HDX: variants seen among roughly 807,000 people sequenced by gnomAD.
HDX encodes the protein chromosome X open reading frame 43.
In HDX, 19 loss-of-function variants were observed where a neutral mutation model predicts 45.2. That is an observed-to-expected ratio of 0.42 (90% CI 0.29 to 0.62). The LOEUF (loss-of-function observed/expected upper bound fraction) is 0.62. Among genes scored for constraint, HDX ranks in the 20% least tolerant of loss-of-function variants. The pLI, the probability that HDX is intolerant of heterozygous loss-of-function variation, is 0.20. For synonymous variants in HDX, 188 were observed against 172.8 expected (o/e 1.09, Z -0.69); for missense variants, 532 against 493.9 (o/e 1.08, Z -0.73).
intron 5 of HDX, among the ~76,000 whole-genome samples, chrX:84,366,529 A>G (rs2037757500): frequency 8.9e-6 from 1 of 111,937 alleles, no homozygotes; most frequent in Non-Finnish European, 1.9e-5. Flanking sequence ...AGCCAAGACA[A>G]TCCTAAGCAA....
chrX:84,335,334 CTGTT>C (rs2036937717), intron 8 of HDX, among the ~76,000 whole-genome samples: 1 of 110,919 alleles, frequency 9.0e-6, no homozygotes, highest in Non-Finnish European at 1.9e-5. Context: ...TCTTATATGT[CTGTT>C]TGATTTGTTA....
intron 4 of HDX, 151 bp from the exon 5 acceptor site, chrX:84,440,736 C>A: frequency 2.5e-6 from 1 of 395,792 alleles, no homozygotes; most frequent in Non-Finnish European, 4.3e-6. Context: ...TTATTGAACT[C>A]AACAGATTTT....
chrX:84,438,985 A>G (rs1375060025), intron 5 of HDX, among the ~76,000 whole-genome samples: 1 of 112,283 alleles, frequency 8.9e-6, no homozygotes, highest in Non-Finnish European at 1.9e-5. Context: ...TGGCTGAACT[A>G]GTTTGCATTC....
At chrX:84,437,719 C>T (rs767095017) in intron 5 of HDX, among the ~76,000 whole-genome samples, 1 of 111,045 alleles carries the variant, frequency 9.0e-6, no homozygotes, top group South Asian at 3.8e-4. Context: ...GAATCTCCAT[C>T]CTTCAGGAAT....
intron 8 of HDX, among the ~76,000 whole-genome samples, chrX:84,336,013 A>T (rs1456382363): frequency 9.0e-6 from 1 of 110,829 alleles, no homozygotes. Flanking sequence ...CAACAAAAAA[A>T]TCAATTAAGA....
rs141701400 is a variant in HDX at position 84,438,632 on chromosome X, A to G, written c.1305+1900T>C. On this transcript the variant is annotated intron_variant, in intron 5 of 10. Transcript: ENST00000373177. ...AATGTTTAGTTCCCACTTAAATGTG[A>G]GACCATGCGGTATTTGGTTTTCTGT... 4.1e-3 allele frequency among the ~76,000 whole-genome samples: 449 copies of G among 108,833 alleles called. 3 individuals are homozygous for G. Among genetic ancestry groups the G allele is most frequent in the Middle Eastern group, 9.3e-3 (2 of 215 alleles). 94.5% of individuals were successfully genotyped at this position (108,833 alleles called of 115,157 possible). A position where few individuals can be genotyped will look rare whatever the true frequency, so the allele number is the denominator to read the frequency against.
rs762465994 is a variant in HDX, at chrX:84,336,859, G to A, written c.1682C>T (p.Pro561Leu). 29 of 1,180,010 alleles carry A rather than the reference G, an allele frequency of 2.5e-5. No homozygotes were observed. In the Admixed American group the frequency reaches 3.6e-4, roughly 15 times the overall value. The change falls in exon 8 of 11, where the codon CCG becomes CTG. Residue 561 changes from proline to leucine, a missense_variant. Physicochemically the swap from Pro to Leu is moderately conservative, Grantham distance 98. This residue lies in a region of HDX where 151 missense variants were observed against 131.8 expected (regional missense o/e 1.15). Coordinates refer to ENST00000373177, the MANE Select transcript of HDX (RefSeq NM_001177479.2). ...TTCCTTATGAGCCCTTGCATCATTC[G>A]GAACAACTTCATTGGGCTCTTCTAC... ...SSQEEPNEVV[P>L]NDARAHKEED... is the part of the protein sequence containing the mutation.
chrX:84,364,991 CTG>C (rs781656439), intron 5 of HDX, among the ~76,000 whole-genome samples: 1 of 111,220 alleles, frequency 9.0e-6, no homozygotes, highest in Admixed American at 9.6e-5. Flanking sequence ...AACATTTTCT[CTG>C]TTTTTTTATC....
chrX:84,495,211 G>T (rs1172737390), intron 1 of HDX, among the ~76,000 whole-genome samples: 1 of 110,923 alleles, frequency 9.0e-6, no homozygotes, highest in African/African-American at 3.3e-5. Context: ...GTGAGGGATT[G>T]GGTAGATGTT....
At chrX:84,491,652 G>A (rs1280697051) in intron 1 of HDX, among the ~76,000 whole-genome samples, 2 of 111,329 alleles carry the variant, frequency 1.8e-5, no homozygotes, top group Non-Finnish European at 3.8e-5. Flanking sequence ...ATTTGAATAT[G>A]TTTGCCTTTG....
At chrX:84,406,469 TACACACAC>T (rs369018765) in intron 5 of HDX, among the ~76,000 whole-genome samples, 988 of 86,531 alleles carry the variant, frequency 0.011, 9 homozygotes, top group Middle Eastern at 0.035. Context: ...TAATCTCACA[TACACACAC>T]ACACACACAC....
At chrX:84,449,848 A>C (rs1323374654) in intron 4 of HDX, among the ~76,000 whole-genome samples, 2 of 111,400 alleles carry the variant, frequency 1.8e-5, no homozygotes, top group Non-Finnish European at 3.8e-5. Context: ...TCAGCAAACT[A>C]TCACAAGGAC....
chrX:84,327,644 A>G (rs1370150819), intron 9 of HDX, among the ~76,000 whole-genome samples: 1 of 111,685 alleles, frequency 9.0e-6, no homozygotes, highest in Non-Finnish European at 1.9e-5. Context: ...GTAACAAGAC[A>G]TGGATCATAG....
Position 84,353,798 on chromosome X carries a change from T to A in HDX, c.1452+7668A>T, listed in dbSNP as rs775315872. Reference sequence around the variant, plus strand: ...TGTTGAGCGTCTGAAGTTTCCATCCTCTTTTTGCATGAAAATATCAGGGAT... The same window carrying A: ...TGTTGAGCGTCTGAAGTTTCCATCCACTTTTTGCATGAAAATATCAGGGAT... On this transcript the variant is annotated intron_variant, in intron 6 of 10. Coordinates refer to ENST00000373177, the MANE Select transcript of HDX (RefSeq NM_001177479.2). Among the ~76,000 whole-genome samples, 335 of 111,655 alleles carry A rather than the reference T, an allele frequency of 3.0e-3. 2 individuals are homozygous for A. The highest frequency in any genetic ancestry group is 0.01 in the African/African-American group (321 of 30,794).
At chrX:84,384,517 T>G (rs2038262277) in intron 5 of HDX, among the ~76,000 whole-genome samples, 1 of 103,035 alleles carries the variant, frequency 9.7e-6, no homozygotes, top group Non-Finnish European at 2.0e-5. Flanking sequence ...GTAGAATCTA[T>G]TTAGTTTAAT....
chrX:84,374,969 G>A (rs1602339361), intron 5 of HDX, among the ~76,000 whole-genome samples: 1 of 106,264 alleles, frequency 9.4e-6, no homozygotes, highest in South Asian at 4.2e-4. Context: ...CCTACAAAAT[G>A]GGAGAAAATT....
intron 5 of HDX, among the ~76,000 whole-genome samples, chrX:84,398,996 A>G (rs182736859): frequency 3.6e-5 from 4 of 111,948 alleles, no homozygotes; most frequent in Non-Finnish European, 7.5e-5. Flanking sequence ...TAAGGCAGGC[A>G]TCAAGAAATT....
intron 5 of HDX, among the ~76,000 whole-genome samples, chrX:84,376,598 G>T (rs2038062788): frequency 8.9e-6 from 1 of 111,976 alleles, no homozygotes; most frequent in Non-Finnish European, 1.9e-5. Context: ...CAGTAGTCTG[G>T]CAGTACTTCC....
At chrX:84,341,464 T>C (rs2147793269) in intron 7 of HDX, among the ~76,000 whole-genome samples, 1 of 111,173 alleles carries the variant, frequency 9.0e-6, no homozygotes, top group African/African-American at 3.3e-5. Flanking sequence ...AATATTCACA[T>C]AGATAACATT....
Sources: allele counts gnomAD v4.1 joint callset (sites outside exome capture counted in the v4.1 genomes callset), GRCh38; gene constraint gnomAD v4.1.1; regional missense constraint gnomAD v4.1.1; transcripts MANE v1.5; gene names NCBI Gene and HGNC (gene_info 2026-07-23, HGNC 2026-07-21).